CHN2: variants seen among roughly 807,000 people sequenced by gnomAD.
The protein encoded by CHN2 is chimerin 2.
In CHN2, 35 loss-of-function variants were observed where a neutral mutation model predicts 56.3. The ratio of observed to expected loss-of-function variants is 0.62; its 90% CI spans 0.47 to 0.82. The LOEUF is 0.82. CHN2 is among the 40% of genes least tolerant of loss of function. The pLI is 0.00. For synonymous variants in CHN2, 210 were observed against 212.8 expected (o/e 0.99, Z 0.12); for missense variants, 491 against 580.5 (o/e 0.85, Z 1.58).
At chr7:29,263,512 C>T (rs960369452) in intron 1 of CHN2, among the ~76,000 whole-genome samples, 1 of 151,800 alleles carries the variant, frequency 6.6e-6, no homozygotes, top group African/African-American at 2.4e-5. Context: ...TGAGGAGCCC[C>T]TCTGCCTGGC....
rs1783425379 is a variant in CHN2 at position 29,194,819 on chromosome 7, T to G, written c.-123T>G. 4.7e-6 allele frequency: 4 copies of G among 842,434 alleles called. No individual in the cohort carries two copies. The highest frequency in any genetic ancestry group is 6.5e-6 in the Non-Finnish European group (4 of 611,118). 52.2% of individuals were successfully genotyped at this position (842,434 alleles called of 1,614,324 possible). ...GCAGAGTCCGGAGGCTGGTGCTTTC[T>G]GCGCGTCCCCAGGACTTTGCCATGG... On this transcript the variant is annotated 5_prime_UTR_variant, in exon 1 of 13. Coordinates refer to ENST00000222792, the MANE Select transcript of CHN2 (RefSeq NM_004067.4).
rs115879402 is a variant in CHN2, at chr7:29,479,773, G to A, written c.577-506G>A. On this transcript the variant is annotated intron_variant, in intron 6 of 12. Transcript: ENST00000222792. ...AGACCTCTCCTTTGCAATGTGCTGCGGCAGGAGAAAGCAGGCTGCCGGCCC... is the reference window on the plus strand; with the variant it reads ...AGACCTCTCCTTTGCAATGTGCTGCAGCAGGAGAAAGCAGGCTGCCGGCCC... 987 of 1,190,452 alleles carry A rather than the reference G, an allele frequency of 8.3e-4. 2 individuals are homozygous for A. In the African/African-American group the frequency reaches 0.012, roughly 14 times the overall value. The allele number at this position is 1,190,452 out of a possible 1,614,324, so 73.7% of individuals were successfully genotyped here.
intron 1 of CHN2, among the ~76,000 whole-genome samples, chr7:29,310,110 C>T (rs945916879): frequency 2.6e-5 from 4 of 152,136 alleles, no homozygotes; most frequent in African/African-American, 9.7e-5. Flanking sequence ...CTTTCCCTTA[C>T]TTCAACATGG....
chr7:29,512,489 TTACATACATAATCAA>T (rs1791594951), intron 12 of CHN2, 60 bp from the exon 13 acceptor site: 1 of 1,311,056 alleles, frequency 7.6e-7, no homozygotes, highest in Admixed American at 2.3e-5. Context: ...TTATCGGGAC[TTACATACATAATCAA>T]TACATAAAAT....
At chr7:29,262,212 A>T (rs1245980429) in intron 1 of CHN2, among the ~76,000 whole-genome samples, 1 of 152,162 alleles carries the variant, frequency 6.6e-6, no homozygotes. Context: ...ATCTAACTGC[A>T]CAGAAGGTCT....
chr7:29,408,235 C>T (rs1485154381), intron 6 of CHN2, among the ~76,000 whole-genome samples: 1 of 151,734 alleles, frequency 6.6e-6, no homozygotes, highest in Non-Finnish European at 1.5e-5. Flanking sequence ...TTAAAAATGC[C>T]CATGTTTGAC....
rs142746948 is a variant in CHN2, at chr7:29,311,472, A to G, written c.50-43153A>G. 1.7e-3 allele frequency among the ~76,000 whole-genome samples: 256 copies of G among 152,328 alleles called. 2 individuals carry two copies. The highest frequency in any genetic ancestry group is 5.7e-3 in the African/African-American group (236 of 41,576). ...TATATTTCTCCCGTATCCTGGCTGT[A>G]TCCCTGTGAGGATCATAGCCCCACT... On this transcript the variant is annotated intron_variant, in intron 1 of 12. Coordinates refer to ENST00000222792, the MANE Select transcript of CHN2 (RefSeq NM_004067.4).
rs1791461406 is a variant in CHN2 at position 29,511,819 on chromosome 7, A to G, written c.1236-745A>G. ...TCTAAAACTTAAAGTTGTGAAAACA[A>G]AACTCTGGGAGATAGATAGATTGTA... On this transcript the variant is annotated intron_variant, in intron 12 of 12. Coordinates refer to ENST00000222792, the MANE Select transcript of CHN2 (RefSeq NM_004067.4). 2.1e-5 allele frequency among the ~76,000 whole-genome samples: 3 copies of G among 140,020 alleles called. No individual in the cohort carries two copies. The South Asian group carries it at 7.0e-4, about 33-fold the overall frequency. 91.9% of individuals were successfully genotyped at this position (140,020 alleles called of 152,430 possible). A position where few individuals can be genotyped will look rare whatever the true frequency, so the allele number is the denominator to read the frequency against.
At chr7:29,462,426 A>G (rs78953796) in intron 6 of CHN2, among the ~76,000 whole-genome samples, 2,092 of 152,294 alleles carry the variant, frequency 0.014, 52 homozygotes, top group African/African-American at 0.047. Context: ...CTTCTGCTTC[A>G]TCCTGTCTGA....
intron 1 of CHN2, among the ~76,000 whole-genome samples, chr7:29,290,941 G>A (rs116521422): frequency 3.9e-5 from 6 of 152,122 alleles, no homozygotes; most frequent in East Asian, 1.9e-4. Context: ...AGATTCAAGC[G>A]TGTGGTTAGA....
At chr7:29,407,522 A>G (rs187446484) in intron 6 of CHN2, among the ~76,000 whole-genome samples, 2 of 152,296 alleles carry the variant, frequency 1.3e-5, no homozygotes, top group East Asian at 1.9e-4. Context: ...TAAAGAACCT[A>G]TAGATTTTCT....
chr7:29,382,271 C>T (rs1562563626), intron 3 of CHN2, among the ~76,000 whole-genome samples: 1 of 152,148 alleles, frequency 6.6e-6, no homozygotes, highest in Non-Finnish European at 1.5e-5. Flanking sequence ...ATCTGGGTGG[C>T]TTATGTTGGT....
intron 3 of CHN2, among the ~76,000 whole-genome samples, chr7:29,374,801 TTTCC>T (rs57274609): frequency 0.11 from 13,680 of 128,158 alleles, 925 homozygotes; most frequent in East Asian, 0.33. Context: ...TATTTCTTTA[TTTCC>T]TTCCTTCCTT....
At chr7:29,404,148 C>T (rs57584813) in intron 6 of CHN2, among the ~76,000 whole-genome samples, 3,106 of 152,110 alleles carry the variant, frequency 0.02, 118 homozygotes, top group African/African-American at 0.071. Context: ...GTGCTTTGAG[C>T]GAACACCCTT....
chr7:29,239,662 C>T lies in CHN2; in HGVS notation c.49+44672C>T, dbSNP rs574372362. Among the ~76,000 whole-genome samples the T allele has an allele frequency of 5.9e-5, 9 of 152,340 alleles. No homozygotes were observed. In the East Asian group the frequency reaches 1.7e-3, roughly 29 times the overall value. On this transcript the variant is annotated intron_variant, in intron 1 of 12. Coordinates refer to ENST00000222792, the MANE Select transcript of CHN2 (RefSeq NM_004067.4). ...AAGCTCTTGTCCCATTGGTTCAGGG[C>T]TTCTTCCCACATTCTGATCTGATTC...
At chr7:29,287,943 T>G (rs1328026393) in intron 1 of CHN2, among the ~76,000 whole-genome samples, 2 of 152,232 alleles carry the variant, frequency 1.3e-5, no homozygotes, top group Non-Finnish European at 2.9e-5. Context: ...TAAAAAATAC[T>G]GCATGTCACA....
In CHN2 at chr7:29,422,692, G is replaced by A. The variant is rs143143524; in HGVS notation, c.576+21864G>A. Among the ~76,000 whole-genome samples, 330 of 152,268 alleles carry A rather than the reference G, an allele frequency of 2.2e-3. 1 individual carries two copies. The highest frequency in any genetic ancestry group is 7.4e-3 in the African/African-American group (309 of 41,532). On this transcript the variant is annotated intron_variant, in intron 6 of 12. Transcript: ENST00000222792. The stretch of plus-strand genomic sequence containing the variant: ...TGTGGTATTTCTACGAGATGTCAGG[G>A]CTATTACCTGTGGTCAGATAAATTT...
intron 2 of CHN2, among the ~76,000 whole-genome samples, chr7:29,159,327 A>C (rs370801445): frequency 6.6e-6 from 1 of 152,234 alleles, no homozygotes; most frequent in African/African-American, 2.4e-5. Flanking sequence ...AAGGGTTGAA[A>C]CCCAAATGCC....
At chr7:29,224,265 GA>G (rs1487210100) in intron 1 of CHN2, among the ~76,000 whole-genome samples, 62 of 152,210 alleles carry the variant, frequency 4.1e-4, no homozygotes, top group African/African-American at 1.4e-3. Flanking sequence ...GAAAAATTAT[GA>G]AACAGTTTGT....
Sources: gnomAD v4.1 joint callset for allele counts (sites outside exome capture counted in the v4.1 genomes callset) on GRCh38, gnomAD v4.1.1 for gene constraint, MANE v1.5 for transcripts, NCBI Gene and HGNC (gene_info 2026-07-23, HGNC 2026-07-21) for gene names.